The following WDPCP variants were observed in gnomAD, a reference collection of about 807,000 sequenced individuals.
WDPCP encodes WD repeat containing planar cell polarity effector, also known as WD repeat-containing and planar cell polarity effector protein fritz homolog.
A neutral mutation model predicts 93.1 loss-of-function variants in WDPCP; 71 were observed. The ratio of observed to expected loss-of-function variants is 0.76; its 90% CI spans 0.63 to 0.93. The LOEUF is 0.93. Among genes scored for constraint, WDPCP ranks in the 40% least tolerant of loss-of-function variants. The pLI is 0.00. For missense variants in WDPCP, 844 were observed against 887.4 expected (o/e 0.95, Z 0.62); for synonymous variants, 315 against 315.0 (o/e 1.00, Z 0.00).
chr2:63,175,116 TTTTG>T (rs1338478082), intron 14 of WDPCP, among the ~76,000 whole-genome samples: 4 of 152,288 alleles, frequency 2.6e-5, no homozygotes, highest in African/African-American at 9.6e-5. Context: ...TATAAAATTT[TTTTG>T]TTTTTGTTAG....
intron 1 of WDPCP, among the ~76,000 whole-genome samples, chr2:63,559,005 C>G (rs1326088876): frequency 6.6e-6 from 1 of 152,178 alleles, no homozygotes; most frequent in African/African-American, 2.4e-5. Context: ...GCCAACATCC[C>G]TGATGAACAT....
chr2:63,317,257 C>T (rs1686714850), intron 12 of WDPCP, among the ~76,000 whole-genome samples: 1 of 151,570 alleles, frequency 6.6e-6, no homozygotes, highest in Admixed American at 6.6e-5. Flanking sequence ...CAATACAAAA[C>T]ATTAGCTGGG....
intron 14 of WDPCP, among the ~76,000 whole-genome samples, chr2:63,213,638 G>A (rs1022987720): frequency 1.3e-5 from 2 of 152,036 alleles, no homozygotes; most frequent in African/African-American, 2.4e-5. Context: ...CAGAACTGAA[G>A]GAGACAGAGA....
intron 14 of WDPCP, among the ~76,000 whole-genome samples, chr2:63,218,465 A>G (rs936678078): frequency 6.6e-6 from 1 of 152,116 alleles, no homozygotes; most frequent in Non-Finnish European, 1.5e-5. Flanking sequence ...CTTAAAGTTA[A>G]ATTGGATGTT....
intron 4 of WDPCP, among the ~76,000 whole-genome samples, chr2:63,486,105 C>A (rs942795926): frequency 1.3e-5 from 2 of 151,492 alleles, no homozygotes; most frequent in African/African-American, 4.8e-5. Flanking sequence ...ACATTGTCGC[C>A]ATAATATATA....
intron 2 of WDPCP, among the ~76,000 whole-genome samples, chr2:63,780,662 A>C (rs1322705792): frequency 6.6e-6 from 1 of 152,230 alleles, no homozygotes; most frequent in East Asian, 1.9e-4. Context: ...TAATCAGCCC[A>C]CACGGTCTGA....
At chr2:63,352,925 G>A (rs190908018) in intron 12 of WDPCP, among the ~76,000 whole-genome samples, 1 of 152,298 alleles carries the variant, frequency 6.6e-6, no homozygotes, top group African/African-American at 2.4e-5. Flanking sequence ...AAAAAAACTA[G>A]TAAGGTAGTG....
chr2:63,322,785 C>T (rs938092767), intron 12 of WDPCP, among the ~76,000 whole-genome samples: 5 of 152,120 alleles, frequency 3.3e-5, no homozygotes, highest in African/African-American at 1.2e-4. Flanking sequence ...ATGGGACCAT[C>T]GCCTATCGCC....
intron 12 of WDPCP, among the ~76,000 whole-genome samples, chr2:63,356,528 C>T (rs1206927858): frequency 6.6e-6 from 1 of 152,054 alleles, no homozygotes; most frequent in African/African-American, 2.4e-5. Flanking sequence ...CATAATTGAA[C>T]ATAATCCTCA....
chr2:63,760,176 C>T (rs569961051), intron 2 of WDPCP, among the ~76,000 whole-genome samples: 1 of 152,188 alleles, frequency 6.6e-6, no homozygotes, highest in Non-Finnish European at 1.5e-5. Flanking sequence ...GTATTAAGAA[C>T]TTTAAGATGG....
intron 1 of WDPCP, among the ~76,000 whole-genome samples, chr2:63,498,978 T>C (rs966353462): frequency 6.6e-6 from 1 of 152,192 alleles, no homozygotes; most frequent in Non-Finnish European, 1.5e-5. Flanking sequence ...CAATGGCTCA[T>C]TTGTACCTCA....
intron 2 of WDPCP, among the ~76,000 whole-genome samples, chr2:63,740,947 T>A (rs1003832045): frequency 1.3e-5 from 2 of 152,186 alleles, no homozygotes; most frequent in African/African-American, 4.8e-5. Flanking sequence ...TGCTCATGCA[T>A]TCTTGGCACA....
At chr2:63,558,112 T>G (rs1387687836) in intron 1 of WDPCP, among the ~76,000 whole-genome samples, 1 of 150,566 alleles carries the variant, frequency 6.6e-6, no homozygotes, top group Non-Finnish European at 1.5e-5. Flanking sequence ...AGACAAGAAA[T>G]AACCAAGTTC....
chr2:63,342,398 C>T (rs2104467626), intron 12 of WDPCP, among the ~76,000 whole-genome samples: 1 of 152,292 alleles, frequency 6.6e-6, no homozygotes, highest in Middle Eastern at 3.4e-3. Context: ...TAAGAAAGTA[C>T]ATCTACCATT....
At chr2:63,185,189 AT>A (rs1452492690) in intron 14 of WDPCP, among the ~76,000 whole-genome samples, 1 of 152,192 alleles carries the variant, frequency 6.6e-6, no homozygotes, top group Non-Finnish European at 1.5e-5. Flanking sequence ...CTTCTATAAA[AT>A]CAATATTTTG....
chr2:63,180,209 G>T (rs1230776639), intron 14 of WDPCP, among the ~76,000 whole-genome samples: 1 of 151,990 alleles, frequency 6.6e-6, no homozygotes, highest in African/African-American at 2.4e-5. Flanking sequence ...CTTTTTTTTG[G>T]TATGCATTTA....
chr2:63,555,915 A>G (rs2106382714), intron 1 of WDPCP, among the ~76,000 whole-genome samples: 1 of 152,326 alleles, frequency 6.6e-6, no homozygotes, highest in East Asian at 1.9e-4. Flanking sequence ...AGTGAAAAAA[A>G]TGCTGAAAAA....
At chr2:63,227,266 C>A (rs10203263) in intron 14 of WDPCP, among the ~76,000 whole-genome samples, 24,078 of 151,854 alleles carry the variant, frequency 0.16, 2,281 homozygotes, top group Middle Eastern at 0.22. Flanking sequence ...CATTTCATAA[C>A]TGAAGGAATT....
intron 1 of WDPCP, among the ~76,000 whole-genome samples, chr2:63,524,677 C>A (rs1353298063): frequency 6.6e-6 from 1 of 152,134 alleles, no homozygotes; most frequent in Non-Finnish European, 1.5e-5. Context: ...AAATACCATT[C>A]TAGACATAGG....
Sources: gnomAD v4.1 joint callset for allele counts (sites outside exome capture counted in the v4.1 genomes callset) on GRCh38, gnomAD v4.1.1 for gene constraint, MANE v1.5 for transcripts, NCBI Gene and HGNC (gene_info 2026-07-23, HGNC 2026-07-21) for gene names.